The following MAP3K7 variants were observed in gnomAD, a reference collection of about 807,000 sequenced individuals.
MAP3K7 encodes the protein mitogen-activated protein kinase kinase kinase 7, also known as TGF-beta activated kinase 1.
A neutral mutation model predicts 84.8 loss-of-function variants in MAP3K7; 21 were observed. The ratio of observed to expected loss-of-function variants is 0.25; its 90% confidence interval spans 0.18 to 0.36. MAP3K7 has a LOEUF of 0.36. MAP3K7 is among the 10% of genes least tolerant of loss of function. The pLI is 1.00. For missense variants in MAP3K7, 503 were observed against 747.7 expected, an observed-to-expected ratio of 0.67 and a Z score of 3.82; for synonymous variants, 241 against 247.7, an observed-to-expected ratio of 0.97 and a Z score of 0.25.
chr6:90,566,591 T>C (rs1776712924), intron 3 of MAP3K7, among the ~76,000 whole-genome samples: 1 of 152,216 alleles, frequency 6.6e-6, no homozygotes, highest in African/African-American at 2.4e-5. Context: ...GAACATTCCA[T>C]GCTCATGGAT....
chr6:90,553,750 T>C (rs1776252023), intron 6 of MAP3K7, among the ~76,000 whole-genome samples, 164 bp from the exon 7 acceptor site: 1 of 152,234 alleles, frequency 6.6e-6, no homozygotes, highest in Admixed American at 6.5e-5. Context: ...TTTCAACAAG[T>C]ACATTTTTAA....
At chr6:90,568,439 TATA>T (rs890235752) in intron 3 of MAP3K7, 116 bp downstream of exon 3, 5 of 696,248 alleles carry the variant, frequency 7.2e-6, no homozygotes, top group South Asian at 4.3e-5. Flanking sequence ...CTTGAAAAAA[TATA>T]ATATTTTTGA....
In MAP3K7 at chr6:90,547,393, A is replaced by C; in HGVS notation, c.1081-6T>G. On this transcript the variant is annotated splice_polypyrimidine_tract_variant and splice_region_variant and intron_variant, in intron 10 of 16. Coordinates refer to ENST00000369329, the MANE Select transcript of MAP3K7 (RefSeq NM_145331.3). ...CTTAAACGTCCAGATTCACTCTGTT[A>C]AAATTACAGGTCAATCTGAATTACT... The C allele has an allele frequency of 6.2e-7, 1 of 1,608,698 alleles. No homozygotes were observed.
intron 13 of MAP3K7, among the ~76,000 whole-genome samples, chr6:90,533,790 G>T (rs796947868): frequency 6.6e-6 from 1 of 152,268 alleles, no homozygotes; most frequent in East Asian, 1.9e-4. Context: ...TTGAGAATAA[G>T]GCTAGCTACT....
Position 90,519,299 on chromosome 6 carries a change from A to T in MAP3K7, c.1483T>A (p.Ser495Thr). Residue 495 changes from serine (S) to threonine (T), a missense_variant, in exon 15 of 17, where the codon TCC (serine) becomes ACC (threonine). Around this residue, in one of 5 missense-constraint regions of MAP3K7, gnomAD observed 286 missense variants for 313.6 expected, o/e 0.91. Coordinates refer to ENST00000369329, the MANE Select transcript of MAP3K7 (RefSeq NM_145331.3). ...AGTGTAAGATAAGCCATTGGGATGGAGTTATCTGATCCATTGGTATCTGGA... is the reference window on the plus strand; with the variant it reads ...AGTGTAAGATAAGCCATTGGGATGGTGTTATCTGATCCATTGGTATCTGGA... The part of the protein sequence containing the change: ...DSTDTNGSDN[S>T]IPMAYLTLDH... 1 of 1,583,760 alleles carries T rather than the reference A, an allele frequency of 6.3e-7. No homozygotes were observed. The highest frequency in any genetic ancestry group is 2.3e-5 in the East Asian group (1 of 43,124).
chr6:90,572,566 T>C lies in MAP3K7; in HGVS notation c.121-759A>G, dbSNP rs559574083. Among the ~76,000 whole-genome samples the C allele has an allele frequency of 3.4e-5, 5 of 148,240 alleles. No homozygotes were observed. In the South Asian group the frequency reaches 1.1e-3, roughly 32 times the overall value. Reference sequence around the variant, plus strand: ...TGGTATCCTGACAAAGTGATGAAATTATTAAAAAAAAAAAACCAAAAACCT... The same window carrying C: ...TGGTATCCTGACAAAGTGATGAAATCATTAAAAAAAAAAAACCAAAAACCT... On this transcript the variant is annotated intron_variant, in intron 1 of 16. Transcript: ENST00000369329.
chr6:90,517,152 TC>T (rs1774993223), intron 16 of MAP3K7, among the ~76,000 whole-genome samples: 1 of 151,850 alleles, frequency 6.6e-6, no homozygotes, highest in Admixed American at 6.6e-5. Context: ...ATAAATGCTA[TC>T]CAATTTAAAG....
At chr6:90,560,965 C>T (rs1273631116) in intron 4 of MAP3K7, among the ~76,000 whole-genome samples, 1 of 151,960 alleles carries the variant, frequency 6.6e-6, no homozygotes, top group Non-Finnish European at 1.5e-5. Flanking sequence ...AGAAGTAGTT[C>T]AATCAAATAA....
intron 1 of MAP3K7, among the ~76,000 whole-genome samples, chr6:90,578,278 TGTTTG>T (rs1777151879): frequency 6.6e-6 from 1 of 152,146 alleles, no homozygotes; most frequent in Non-Finnish European, 1.5e-5. Context: ...TGTTTTGTTT[TGTTTG>T]TTTTTTTGAG....
intron 3 of MAP3K7, among the ~76,000 whole-genome samples, chr6:90,566,909 T>C (rs1776725685): frequency 6.6e-6 from 1 of 151,716 alleles, no homozygotes. Flanking sequence ...AATAATACCA[T>C]ACATCTACAA....
chr6:90,547,166 G>T, intron 11 of MAP3K7, 92 bp downstream of exon 11: 1 of 1,396,360 alleles, frequency 7.2e-7, no homozygotes, highest in Non-Finnish European at 9.8e-7. Flanking sequence ...AAAAATATAA[G>T]ACACACACAA....
chr6:90,565,240 A>C (rs938651756), intron 3 of MAP3K7, among the ~76,000 whole-genome samples: 1 of 151,584 alleles, frequency 6.6e-6, no homozygotes, highest in African/African-American at 2.4e-5. Flanking sequence ...GAGACACAAC[A>C]AACCCTTCAA....
intron 14 of MAP3K7, among the ~76,000 whole-genome samples, chr6:90,522,107 A>G (rs1775170317): frequency 6.6e-6 from 1 of 152,176 alleles, no homozygotes; most frequent in Non-Finnish European, 1.5e-5. Flanking sequence ...ATGTATTCAA[A>G]ATTATAGCCA....
At chr6:90,549,713 G>C (rs983954213) in intron 9 of MAP3K7, among the ~76,000 whole-genome samples, 1 of 152,138 alleles carries the variant, frequency 6.6e-6, no homozygotes, top group Non-Finnish European at 1.5e-5. Context: ...GAATTTTAGA[G>C]AAGTACATTT....
intron 11 of MAP3K7, among the ~76,000 whole-genome samples, chr6:90,546,752 T>C (rs1367531453): frequency 6.6e-6 from 1 of 152,226 alleles, no homozygotes; most frequent in African/African-American, 2.4e-5. Flanking sequence ...TATTTTATTT[T>C]ACAATTAAAA....
At chr6:90,537,104 A>G (rs1775705479) in intron 12 of MAP3K7, 2 of 152,072 alleles carry the variant, frequency 1.3e-5, no homozygotes, top group African/African-American at 4.8e-5. Context: ...AGAATTCTAC[A>G]CATATAAGTC....
intron 12 of MAP3K7, among the ~76,000 whole-genome samples, chr6:90,539,366 C>A (rs1041072069): frequency 6.6e-6 from 1 of 151,838 alleles, no homozygotes; most frequent in Non-Finnish European, 1.5e-5. Context: ...TAATATGCCA[C>A]AAATAGAGAA....
intron 5 of MAP3K7, among the ~76,000 whole-genome samples, chr6:90,559,388 G>A (rs1776434883): frequency 6.6e-6 from 1 of 152,002 alleles, no homozygotes. Context: ...GAGCTTGGGG[G>A]GAGGGTAAAG....
At chr6:90,573,449 C>T (rs1776972455) in intron 1 of MAP3K7, among the ~76,000 whole-genome samples, 1 of 152,156 alleles carries the variant, frequency 6.6e-6, no homozygotes. Context: ...TAGTTGTAAA[C>T]TGCGATGTGT....
Sources: gnomAD v4.1 joint callset for allele counts (sites outside exome capture counted in the v4.1 genomes callset) on GRCh38, gnomAD v4.1.1 for gene constraint, gnomAD v4.1.1 regional missense constraint, MANE v1.5 for transcripts, NCBI Gene and HGNC (gene_info 2026-07-23, HGNC 2026-07-21) for gene names.